The following RAB42 variants were observed in gnomAD, a reference collection of about 807,000 sequenced individuals.
RAB42 encodes ras-related protein Rab-42.
Under a neutral mutation model 7.5 loss-of-function variants are expected in RAB42, and 4 were observed. That is an observed-to-expected ratio of 0.53 (90% CI 0.26 to 1.22). The LOEUF (loss-of-function observed/expected upper bound fraction) is 1.22. Among genes scored for constraint, RAB42 ranks in the 50% most tolerant of loss-of-function variants. The pLI, the probability that RAB42 is intolerant of heterozygous loss-of-function variation, is 0.13. For missense variants in RAB42, 208 were observed against 281.2 expected (o/e 0.74, Z 1.86); for synonymous variants, 82 against 129.0 (o/e 0.64, Z 2.47).
At position 28,592,757 on chromosome 1, in the gene RAB42, G is replaced by A; in HGVS notation, c.233+13G>A. On this transcript the variant is annotated intron_variant, in intron 1 of 1. Coordinates refer to ENST00000465518, the MANE Select transcript of RAB42 (RefSeq NM_001193532.3). The surrounding 1 kb of genome is among the most constrained non-coding windows in gnomAD (Gnocchi z 4.1). Reference sequence around the variant, plus strand: ...ACGAGCGCTTCAGGTGCGGGTAGCCGGGGCGCGGGAGGGACTTCTGGTGGG... The same window carrying A: ...ACGAGCGCTTCAGGTGCGGGTAGCCAGGGCGCGGGAGGGACTTCTGGTGGG... 1 of 1,205,044 alleles carries A rather than the reference G, an allele frequency of 8.3e-7. No homozygotes were observed. The highest frequency in any genetic ancestry group is 1.0e-6 in the Non-Finnish European group (1 of 963,912). 74.6% of individuals were successfully genotyped at this position (1,205,044 alleles called of 1,614,324 possible).
chr1:28,593,557 C>T (rs1666366896), intron 1 of RAB42, 137 bp from the exon 2 acceptor site: 1 of 1,000,582 alleles, frequency 1.0e-6, no homozygotes. Flanking sequence ...GGCAGAGAAC[C>T]ACGGGGCCGT....
At chr1:28,596,139 T>A (rs930406283), downstream of RAB42, among the ~76,000 whole-genome samples, 5 of 151,918 alleles carry the variant, frequency 3.3e-5, no homozygotes, top group South Asian at 2.1e-4. Flanking sequence ...TTTTTTTTTT[T>A]AAACCCATAA....
At position 28,592,952 on chromosome 1, in the gene RAB42, G is replaced by C. The variant is rs183500476; in HGVS notation, c.233+208G>C. 1.4e-3 allele frequency among the ~76,000 whole-genome samples: 219 copies of C among 152,286 alleles called. No individual in the cohort carries two copies. The highest frequency in any genetic ancestry group is 4.9e-3 in the African/African-American group (202 of 41,562). ...ACTGCGGGGTGGGTCGAGTCCCAGA[G>C]ACCAGGAACATCCCTGGCTTTGAGC... On this transcript the variant is annotated intron_variant, in intron 1 of 1. Coordinates refer to ENST00000465518, the MANE Select transcript of RAB42 (RefSeq NM_001193532.3). The surrounding 1 kb of genome is among the most constrained non-coding windows in gnomAD (Gnocchi z 4.1).
In RAB42 at chr1:28,593,762, A is replaced by G. The variant is rs148442336; in HGVS notation, c.302A>G (p.Lys101Arg). Residue 101 changes from lysine to arginine, a missense_variant, in exon 2 of 2, where the codon AAG becomes AGG. Lys to Arg is a conservative substitution (Grantham distance 26). Transcript: ENST00000465518. Reference protein sequence around the residue: ...VLLVFDVTNRKSFEHIQDWHQ... With the variant: ...VLLVFDVTNRRSFEHIQDWHQ... ...CTGGTCTTTGATGTGACAAACAGGA[A>G]GTCCTTTGAACACATCCAAGACTGG... The G allele has an allele frequency of 0.012, 18,405 of 1,548,242 alleles. 122 individuals are homozygous for G. Among genetic ancestry groups the G allele is most frequent in the Non-Finnish European group, 0.015 (17,099 of 1,144,858 alleles).
At position 28,593,814 on chromosome 1, in the gene RAB42, C is replaced by A. The variant is rs777410636; in HGVS notation, c.354C>A (p.Gly118=). 3.2e-6 allele frequency: 5 copies of A among 1,565,426 alleles called. No individual in the cohort carries two copies. The African/African-American group carries it at 4.1e-5, about 13-fold the overall frequency. The part of the protein sequence containing the change: ...DWHQEVMATQ[G]PDKVIFLLVG... ...ACCAGGAGGTCATGGCCACTCAGGG[C>A]CCGGACAAGGTCATCTTCCTGCTGG... Residue 118 remains glycine (G), a synonymous_variant, in exon 2 of 2, where the codon GGC becomes GGA. Transcript: ENST00000465518.
At position 28,592,585 on chromosome 1, in the gene RAB42, T is replaced by G; in HGVS notation, c.74T>G (p.Leu25Arg). ...LGDAAVGKTS[L>R]LRSYVAGAPG... ...GACGCGGCGGTGGGCAAGACGTCGC[T>G]GCTGCGGAGCTACGTGGCAGGCGCG... Residue 25 changes from leucine to arginine, a missense_variant, in exon 1 of 2, where the codon CTG becomes CGG. Transcript: ENST00000465518. This position sits in a 1 kb window ranked among gnomAD's most constrained non-coding sequence, Gnocchi z 4.1. 1 of 1,219,612 alleles carries G rather than the reference T, an allele frequency of 8.2e-7. No homozygotes were observed. Among genetic ancestry groups the G allele is most frequent in the South Asian group, 4.1e-5 (1 of 24,246 alleles). 75.5% of individuals were successfully genotyped at this position (1,219,612 alleles called of 1,614,324 possible).
At position 28,594,999 on chromosome 1, in the gene RAB42, C is replaced by G. The variant is rs1439613803; in HGVS notation, c.*882C>G. ...CCCAGGGTTGCTGGCCAATGCCCCC[C>G]CGACCAGGCCCAGGGGCTGAAAAAT... is the stretch of plus-strand genomic sequence containing the variant. On this transcript the variant is annotated 3_prime_UTR_variant, in exon 2 of 2. Transcript: ENST00000465518. 1.2e-5 allele frequency: 2 copies of G among 167,238 alleles called. No homozygotes were observed. The highest frequency in any genetic ancestry group is 6.5e-5 in the Admixed American group (1 of 15,286). The allele number at this position is 167,238 out of a possible 1,614,324, so 10.4% of individuals were successfully genotyped here. A position where few individuals can be genotyped will look rare whatever the true frequency, so the allele number is the denominator to read the frequency against.
chr1:28,596,623 A>G (rs1476206288), downstream of RAB42, among the ~76,000 whole-genome samples: 1 of 152,262 alleles, frequency 6.6e-6, no homozygotes, highest in Non-Finnish European at 1.5e-5. Context: ...CTCCATCTCA[A>G]AAAACAAATA....
downstream of RAB42, among the ~76,000 whole-genome samples, chr1:28,596,608 C>T (rs563181559): frequency 2.0e-5 from 3 of 152,098 alleles, no homozygotes; most frequent in Non-Finnish European, 2.9e-5. Context: ...GGCGATAGAG[C>T]GAGACTCCAT....
chr1:28,592,419 G>C lies in RAB42; in HGVS notation c.-93G>C, dbSNP rs1448845054. On this transcript the variant is annotated 5_prime_UTR_variant, in exon 1 of 2. Transcript: ENST00000465518. This position sits in a 1 kb window ranked among gnomAD's most constrained non-coding sequence, Gnocchi z 4.1. ...CGCCGGGTACGGTGGCTGGGCGCGGGGAGCGGGGGGCGGCGCCGGCGGGGC... is the reference window on the plus strand; with the variant it reads ...CGCCGGGTACGGTGGCTGGGCGCGGCGAGCGGGGGGCGGCGCCGGCGGGGC... 12 of 513,534 alleles carry C rather than the reference G, an allele frequency of 2.3e-5. No individual in the cohort carries two copies. The East Asian group carries it at 6.7e-4, about 28-fold the overall frequency. 31.8% of individuals were successfully genotyped at this position (513,534 alleles called of 1,614,324 possible). A position where few individuals can be genotyped will look rare whatever the true frequency, so the allele number is the denominator to read the frequency against.
At chr1:28,595,924 A>G (rs905158197), downstream of RAB42, among the ~76,000 whole-genome samples, 4 of 152,138 alleles carry the variant, frequency 2.6e-5, no homozygotes, top group Non-Finnish European at 5.9e-5. Flanking sequence ...ATAAAAAAAG[A>G]AAAAAGCATA....
rs1468424884 is a variant in RAB42 at position 28,595,061 on chromosome 1, A to C, written c.*944A>C. On this transcript the variant is annotated 3_prime_UTR_variant, in exon 2 of 2. Transcript: ENST00000465518. ...GCTGGGATGAACATGAATGTGTAGC[A>C]ACTATGTTGGGCACACAGTGGCCAC... 2.4e-5 allele frequency: 4 copies of C among 167,102 alleles called. No individual in the cohort carries two copies. Among genetic ancestry groups the C allele is most frequent in the Non-Finnish European group, 5.9e-5 (4 of 68,146 alleles). The allele number at this position is 167,102 out of a possible 1,614,324, so 10.4% of individuals were successfully genotyped here.
At chr1:28,596,246 T>G (rs1666432006), downstream of RAB42, among the ~76,000 whole-genome samples, 1 of 152,238 alleles carries the variant, frequency 6.6e-6, no homozygotes, top group Non-Finnish European at 1.5e-5. Context: ...TATACGTTTT[T>G]ATTTCTAAAT....
chr1:28,593,001 G>A (rs1666353575), intron 1 of RAB42, among the ~76,000 whole-genome samples: 1 of 152,144 alleles, frequency 6.6e-6, no homozygotes, highest in Non-Finnish European at 1.5e-5. Flanking sequence ...GAGATGCTGA[G>A]TGATACTGGC....
In RAB42 at chr1:28,594,531, C is replaced by T. The variant is rs370439780; in HGVS notation, c.*414C>T. The T allele has an allele frequency of 2.4e-5, 4 of 169,028 alleles. No homozygotes were observed. The highest frequency in any genetic ancestry group is 6.4e-5 in the Admixed American group (1 of 15,606). 10.5% of individuals were successfully genotyped at this position (169,028 alleles called of 1,614,324 possible). ...CAGAGATTGCAGTGAGCCAAGACTG[C>T]GCCACTGCACTCCAGCCTGGGCAAC... On this transcript the variant is annotated 3_prime_UTR_variant, in exon 2 of 2. Transcript: ENST00000465518.
rs12065373 is a variant in RAB42, at chr1:28,594,083, G to C, written c.623G>C (p.Ser208Thr). 1.9e-6 allele frequency: 3 copies of C among 1,606,614 alleles called. No homozygotes were observed. Among genetic ancestry groups the C allele is most frequent in the Non-Finnish European group, 2.6e-6 (3 of 1,175,840 alleles). The part of the protein sequence containing the change: ...IHKTQIPRSP[S>T]RKQHSGPCQC ...AAGACCCAAATCCCCAGGTCCCCCA[G>C]CAGGAAGCAGCACTCAGGCCCATGC... is the stretch of plus-strand genomic sequence containing the variant. The change falls in exon 2 of 2, where the codon AGC becomes ACC. Residue 208 changes from serine (S) to threonine (T), a missense_variant. Physicochemically the swap from Ser to Thr is moderately conservative, Grantham distance 58. Coordinates refer to ENST00000465518, the MANE Select transcript of RAB42 (RefSeq NM_001193532.3).
chr1:28,595,743 C>T (rs561149902), downstream of RAB42, among the ~76,000 whole-genome samples: 15 of 152,096 alleles, frequency 9.9e-5, 1 homozygote, highest in African/African-American at 2.7e-4. Context: ...CCTGTCTATA[C>T]TAAAAATACA....
chr1:28,594,164 G>C lies in RAB42; in HGVS notation c.*47G>C, dbSNP rs1666388453. On this transcript the variant is annotated 3_prime_UTR_variant, in exon 2 of 2. Transcript: ENST00000465518. ...AGCAGTCCCAGCCTTAGCCCACCTG[G>C]TGGGATGGGGAGTGTTAATATCTCT... The C allele has an allele frequency of 6.7e-7, 1 of 1,488,832 alleles. No homozygotes were observed. The highest frequency in any genetic ancestry group is 1.4e-5 in the African/African-American group (1 of 71,248). 92.2% of individuals were successfully genotyped at this position (1,488,832 alleles called of 1,614,324 possible).
Position 28,592,809 on chromosome 1 carries a change from C to A in RAB42, c.233+65C>A. The A allele has an allele frequency of 1.3e-6, 1 of 797,096 alleles. No individual in the cohort carries two copies. Among genetic ancestry groups the A allele is most frequent in the Non-Finnish European group, 1.7e-6 (1 of 592,466 alleles). The allele number at this position is 797,096 out of a possible 1,614,324, so 49.4% of individuals were successfully genotyped here. A position where few individuals can be genotyped will look rare whatever the true frequency, so the allele number is the denominator to read the frequency against. On this transcript the variant is annotated intron_variant, in intron 1 of 1. Transcript: ENST00000465518. This position sits in a 1 kb window ranked among gnomAD's most constrained non-coding sequence, Gnocchi z 4.1. Reference sequence around the variant, plus strand: ...GGCTCGGTGAGCGTGCTTTAGGCCACGGCAACTCCCGAGAGGCCAACTCAG... The same window carrying A: ...GGCTCGGTGAGCGTGCTTTAGGCCAAGGCAACTCCCGAGAGGCCAACTCAG...
Sources: gnomAD v4.1 joint callset for allele counts (sites outside exome capture counted in the v4.1 genomes callset) on GRCh38, gnomAD v4.1.1 for gene constraint, Gnocchi (gnomAD v3.1) non-coding constraint, MANE v1.5 for transcripts, NCBI Gene and HGNC (gene_info 2026-07-23, HGNC 2026-07-21) for gene names.